The following PPP2R3B variants were observed in gnomAD, a reference collection of about 807,000 sequenced individuals.
PPP2R3B encodes serine/threonine-protein phosphatase 2A regulatory subunit B'' subunit beta.
Under a neutral mutation model 72.9 loss-of-function variants are expected in PPP2R3B, and 68 were observed. The ratio of observed to expected loss-of-function variants is 0.93; its 90% CI spans 0.77 to 1.14. The LOEUF is 1.14. Among genes scored for constraint, PPP2R3B ranks in the 50% most tolerant of loss-of-function variants. The pLI, the probability that PPP2R3B is intolerant of heterozygous loss-of-function variation, is 0.00. For synonymous variants in PPP2R3B, 466 were observed against 375.8 expected, an observed-to-expected ratio of 1.24 and a Z score of -2.78; for missense variants, 1,018 against 842.0, an observed-to-expected ratio of 1.21 and a Z score of -2.59.
chrX:386,632 C>T lies in PPP2R3B; in HGVS notation c.60G>A (p.Leu20=), dbSNP rs1490135441. The change falls in exon 1 of 13, where the codon CTG becomes CTA. Residue 20 remains leucine, a synonymous_variant. Coordinates refer to ENST00000390665, the MANE Select transcript of PPP2R3B (RefSeq NM_013239.5). Reference sequence around the variant, plus strand: ...GCGTGCTGGCCTCGCTGAGCCAGTACAGGAACAGCTCGTCCACCTTCATCT... The same window carrying T: ...GCGTGCTGGCCTCGCTGAGCCAGTATAGGAACAGCTCGTCCACCTTCATCT... ...VLKMKVDELF[L]YWLSEASTQR... 2 of 1,438,778 alleles carry T rather than the reference C, an allele frequency of 1.4e-6. No individual in the cohort carries two copies. The highest frequency in any genetic ancestry group is 1.8e-6 in the Non-Finnish European group (2 of 1,096,508). 89.1% of individuals were successfully genotyped at this position (1,438,778 alleles called of 1,614,324 possible).
intron 1 of PPP2R3B, chrX:373,639 A>AGC (rs1569414305): frequency 3.6e-6 from 1 of 280,146 alleles, no homozygotes; most frequent in South Asian, 2.9e-5. Flanking sequence ...TGGCGCAGCG[A>AGC]GCGCTCGCGG....
At chrX:368,871 A>C (rs1402781546) in intron 1 of PPP2R3B, among the ~76,000 whole-genome samples, 4 of 145,476 alleles carry the variant, frequency 2.7e-5, no homozygotes, top group Admixed American at 2.0e-4. Flanking sequence ...GAAGGCCAGG[A>C]CCACCCACCC....
At chrX:385,798 G>A (rs990232755) in intron 1 of PPP2R3B, among the ~76,000 whole-genome samples, 4 of 151,926 alleles carry the variant, frequency 2.6e-5, no homozygotes, top group Non-Finnish European at 5.9e-5. Context: ...AATAAAAAAC[G>A]GACCAGGCGC....
intron 7 of PPP2R3B, chrX:342,248 A>G (rs1251861423): frequency 1.1e-5 from 6 of 532,178 alleles, no homozygotes; most frequent in Admixed American, 3.2e-5. Context: ...CTCGAGTGTG[A>G]TCACGGAAAC....
At position 338,803 on chromosome X, in the gene PPP2R3B, T is replaced by A. The variant is rs1322439087; in HGVS notation, c.1445A>T (p.Gln482Leu). 1 of 1,612,346 alleles carries A rather than the reference T, an allele frequency of 6.2e-7. No homozygotes were observed. The highest frequency in any genetic ancestry group is 1.7e-5 in the Admixed American group (1 of 59,994). The change falls in exon 11 of 13, where the codon CAG becomes CTG. Residue 482 changes from glutamine (Q) to leucine (L), a missense_variant. By Grantham distance (113) the Gln-to-Leu change is moderately radical. Coordinates refer to ENST00000390665, the MANE Select transcript of PPP2R3B (RefSeq NM_013239.5). ...CCTGAGCAGGGAGATCTGCTCTTTC[T>A]GCTCGTGGTCGAGGTACTTCTCGAT... ...FNIEKYLDHE[Q>L]KEQISLLRDG...
At chrX:336,595 G>C (rs1375625067) in intron 12 of PPP2R3B, 1 of 151,720 alleles carries the variant, frequency 6.6e-6, no homozygotes, top group Non-Finnish European at 1.5e-5. Flanking sequence ...AAAGGAAGAC[G>C]AGAGACGGAC....
chrX:346,128 G>A (rs761358716), intron 6 of PPP2R3B, 46 bp downstream of exon 6: 8 of 1,417,644 alleles, frequency 5.6e-6, no homozygotes, highest in South Asian at 3.7e-5. Context: ...GAGGTAGGAG[G>A]GGTAGGGACA....
intron 7 of PPP2R3B, among the ~76,000 whole-genome samples, chrX:342,408 TGAGACCTCAGCAACGGGAGGCGGGAGG>T (rs1569381841): frequency 0.013 from 393 of 30,750 alleles, 8 homozygotes; most frequent in African/African-American, 0.032. Context: ...GAGGCGGGAG[TGAGACCTCAGCAACGGGAGGCGGGAGG>T]GAGACCTCAG....
rs768980401 is a variant in PPP2R3B at position 367,027 on chromosome X, C to CA, written c.325-5438dup. Among the ~76,000 whole-genome samples the CA allele has an allele frequency of 6.8e-3, 953 of 139,688 alleles. 22 individuals are homozygous for CA. The highest frequency in any genetic ancestry group is 0.022 in the Middle Eastern group (6 of 272). 91.6% of individuals were successfully genotyped at this position (139,688 alleles called of 152,430 possible). The stretch of plus-strand genomic sequence containing the variant: ...TGGGTGACAGAGTGAGACTCTGTCT[C>CA]AAAAAAAAAAAAGTGAGATGAATAC... On this transcript the variant is annotated intron_variant, in intron 1 of 12. Coordinates refer to ENST00000390665, the MANE Select transcript of PPP2R3B (RefSeq NM_013239.5).
At chrX:378,230 T>C (rs2072042318) in intron 1 of PPP2R3B, among the ~76,000 whole-genome samples, 1 of 152,198 alleles carries the variant, frequency 6.6e-6, no homozygotes, top group African/African-American at 2.4e-5. Flanking sequence ...ATCTCCACCG[T>C]CCCTCTGCTG....
At chrX:341,704 G>A in intron 8 of PPP2R3B, 179 bp downstream of exon 8, 1 of 746,560 alleles carries the variant, frequency 1.3e-6, no homozygotes, top group Non-Finnish European at 2.3e-6. Flanking sequence ...TGACAGTCTT[G>A]TGCCACCCCC....
intron 6 of PPP2R3B, 89 bp downstream of exon 6, chrX:346,085 G>T: frequency 1.6e-6 from 1 of 626,138 alleles, no homozygotes; most frequent in Non-Finnish European, 2.5e-6. Context: ...GGGAGGGGAG[G>T]AGGGAGGGGG....
chrX:367,363 A>G (rs1385365698), intron 1 of PPP2R3B, among the ~76,000 whole-genome samples: 1 of 150,600 alleles, frequency 6.6e-6, no homozygotes, highest in Non-Finnish European at 1.5e-5. Flanking sequence ...TGAGTGTGAG[A>G]CGGTTTGTGA....
At chrX:361,635 G>T in intron 1 of PPP2R3B, 45 bp from the exon 2 acceptor site, 1 of 1,601,752 alleles carries the variant, frequency 6.2e-7, no homozygotes, top group Non-Finnish European at 8.5e-7. Flanking sequence ...TGGGAGCATC[G>T]AACGCCTTCT....
intron 1 of PPP2R3B, among the ~76,000 whole-genome samples, chrX:364,209 T>G (rs1293106546): frequency 6.6e-6 from 1 of 151,952 alleles, no homozygotes; most frequent in Non-Finnish European, 1.5e-5. Flanking sequence ...AAGAATGAGC[T>G]CCAAGTAAAT....
intron 2 of PPP2R3B, among the ~76,000 whole-genome samples, chrX:348,669 T>A (rs1206872562): frequency 6.6e-6 from 1 of 152,094 alleles, no homozygotes; most frequent in Admixed American, 6.5e-5. Flanking sequence ...TTTATGCCTG[T>A]AAGTCAGATG....
intron 2 of PPP2R3B, 25 bp downstream of exon 2, chrX:361,380 T>C: frequency 1.2e-6 from 2 of 1,612,994 alleles, no homozygotes; most frequent in Non-Finnish European, 1.7e-6. Flanking sequence ...CCTCGGCTGC[T>C]CCACGTCCCA....
At chrX:338,379 G>C in intron 12 of PPP2R3B, 1 of 608,644 alleles carries the variant, frequency 1.6e-6, no homozygotes, top group Non-Finnish European at 2.9e-6. Flanking sequence ...ACCCCACGCG[G>C]GGAATGACGG....
intron 2 of PPP2R3B, among the ~76,000 whole-genome samples, chrX:354,096 AGGGGCTCGCCCAAACACAG>A (rs1569395461): frequency 1.6e-4 from 16 of 100,342 alleles, no homozygotes; most frequent in African/African-American, 6.1e-4. Context: ...CCCAGGGACC[AGGGGCTCGCCCAAACACAG>A]GGGGCTCACC....
Sources: gnomAD v4.1 joint callset for allele counts (sites outside exome capture counted in the v4.1 genomes callset) on GRCh38, gnomAD v4.1.1 for gene constraint, MANE v1.5 for transcripts, NCBI Gene and HGNC (gene_info 2026-07-23, HGNC 2026-07-21) for gene names.